The following CAP2 variants were observed in gnomAD, a reference collection of about 807,000 sequenced individuals.
CAP2 encodes cyclase associated actin cytoskeleton regulatory protein 2.
In CAP2, 24 loss-of-function variants were observed where a neutral mutation model predicts 57.7. That is an observed-to-expected ratio of 0.42 (90% confidence interval 0.30 to 0.58). The LOEUF (loss-of-function observed/expected upper bound fraction) is 0.58. Ranked by LOEUF, CAP2 falls within the 20% of genes least tolerant of loss-of-function variation. CAP2 has a pLI of 0.22. For synonymous variants in CAP2, 194 were observed against 207.2 expected, an observed-to-expected ratio of 0.94 and a Z score of 0.55; for missense variants, 501 against 590.3, an observed-to-expected ratio of 0.85 and a Z score of 1.57.
At chr6:17,457,138 G>A (rs756355883) in intron 3 of CAP2, among the ~76,000 whole-genome samples, 32 of 152,296 alleles carry the variant, frequency 2.1e-4, no homozygotes, top group Non-Finnish European at 4.1e-4. Context: ...AGTTCAAACA[G>A]AATGCACAGA....
chr6:17,530,564 C>T (rs555772090), intron 7 of CAP2, among the ~76,000 whole-genome samples: 16 of 152,006 alleles, frequency 1.1e-4, no homozygotes, highest in African/African-American at 3.6e-4. Flanking sequence ...AAGGACAGTT[C>T]GAGGAGGGGC....
intron 4 of CAP2, among the ~76,000 whole-genome samples, chr6:17,466,819 T>C (rs1760877734): frequency 6.6e-6 from 1 of 152,170 alleles, no homozygotes; most frequent in South Asian, 2.1e-4. Flanking sequence ...TAGGCCGTGT[T>C]ATGCTGCAGT....
chr6:17,478,520 C>T (rs935525738), intron 4 of CAP2, among the ~76,000 whole-genome samples: 3 of 151,960 alleles, frequency 2.0e-5, no homozygotes, highest in African/African-American at 7.3e-5. Context: ...GTTGTTGTGA[C>T]CTCCTACCTT....
At position 17,556,987 on chromosome 6, in the gene CAP2, A is replaced by G. The variant is rs1763328749; in HGVS notation, c.*545A>G. 1.0e-5 allele frequency: 1 copy of G among 97,520 alleles called. No homozygotes were observed. Among genetic ancestry groups the G allele is most frequent in the Non-Finnish European group, 2.1e-5 (1 of 48,058 alleles). 6.0% of individuals were successfully genotyped at this position (97,520 alleles called of 1,614,324 possible). On this transcript the variant is annotated 3_prime_UTR_variant, in exon 13 of 13. Coordinates refer to ENST00000229922, the MANE Select transcript of CAP2 (RefSeq NM_006366.3). Reference sequence around the variant, plus strand: ...TCAACCCACGCTTGTAAAAGACATAAGAGTTTATAAAGGACCAAATTCAGT... The same window carrying G: ...TCAACCCACGCTTGTAAAAGACATAGGAGTTTATAAAGGACCAAATTCAGT...
intron 1 of CAP2, among the ~76,000 whole-genome samples, chr6:17,406,946 G>C (rs1355265444): frequency 6.6e-6 from 1 of 151,986 alleles, no homozygotes; most frequent in Non-Finnish European, 1.5e-5. Context: ...AGAAAAAAAT[G>C]AGAAAAAAAC....
intron 4 of CAP2, among the ~76,000 whole-genome samples, chr6:17,467,965 A>C (rs945292594): frequency 2.6e-5 from 4 of 151,498 alleles, no homozygotes; most frequent in African/African-American, 9.7e-5. Flanking sequence ...CAGCTCCCCC[A>C]CTACCCTTCC....
At chr6:17,443,917 A>G (rs1245797521) in intron 3 of CAP2, among the ~76,000 whole-genome samples, 5 of 152,334 alleles carry the variant, frequency 3.3e-5, no homozygotes, top group East Asian at 3.9e-4. Context: ...CATGTATCAA[A>G]TATAAGATGT....
chr6:17,435,687 A>T (rs1459937265), intron 3 of CAP2, among the ~76,000 whole-genome samples: 1 of 143,624 alleles, frequency 7.0e-6, no homozygotes, highest in Admixed American at 6.8e-5. Context: ...ATAATAAAAA[A>T]AAAAAAAAAA....
intron 2 of CAP2, among the ~76,000 whole-genome samples, chr6:17,423,154 C>A (rs1247201175): frequency 6.6e-6 from 1 of 152,130 alleles, no homozygotes; most frequent in Middle Eastern, 3.2e-3. Context: ...AAGCTTTCAC[C>A]AGGAAAGACC....
At chr6:17,482,989 G>A (rs770218572) in intron 4 of CAP2, among the ~76,000 whole-genome samples, 42 of 152,206 alleles carry the variant, frequency 2.8e-4, no homozygotes, top group Non-Finnish European at 5.6e-4. Context: ...CCTGGCTTAC[G>A]CCATCACATA....
Position 17,544,954 on chromosome 6 carries a change from A to G in CAP2, c.1209+1811A>G, listed in dbSNP as rs149075983. ...AATTTTAAGGAGGTTGCTCATCTTCAGAAAAAGCCCGGTACTTCAAGGATG... is the reference window on the plus strand; with the variant it reads ...AATTTTAAGGAGGTTGCTCATCTTCGGAAAAAGCCCGGTACTTCAAGGATG... On this transcript the variant is annotated intron_variant, in intron 11 of 12. Transcript: ENST00000229922. Among the ~76,000 whole-genome samples, 343 of 152,344 alleles carry G rather than the reference A, an allele frequency of 2.3e-3. 1 individual carries two copies. The highest frequency in any genetic ancestry group is 4.3e-3 in the Non-Finnish European group (291 of 68,034).
intron 7 of CAP2, among the ~76,000 whole-genome samples, chr6:17,533,128 A>AAAATCT (rs1267212737): frequency 1.3e-5 from 2 of 151,838 alleles, no homozygotes; most frequent in African/African-American, 4.8e-5. Context: ...CTTTCATAAT[A>AAAATCT]AAATCTAAAG....
intron 3 of CAP2, among the ~76,000 whole-genome samples, chr6:17,431,351 T>C (rs1251364326): frequency 1.3e-5 from 2 of 152,224 alleles, no homozygotes; most frequent in Non-Finnish European, 2.9e-5. Context: ...TTATTAATTA[T>C]TTAAAATGAA....
At chr6:17,443,031 T>TA (rs1421342654) in intron 3 of CAP2, among the ~76,000 whole-genome samples, 4 of 152,042 alleles carry the variant, frequency 2.6e-5, no homozygotes, top group African/African-American at 7.2e-5. Context: ...CCATCACTAT[T>TA]AAAAAAATAA....
At chr6:17,463,094 G>T (rs1197367008) in intron 4 of CAP2, 21 bp downstream of exon 4, 2 of 1,563,616 alleles carry the variant, frequency 1.3e-6, no homozygotes, top group Non-Finnish European at 1.8e-6. Flanking sequence ...GTCCTGAGAG[G>T]GAAGGTGTCC....
In CAP2 at chr6:17,557,315, CT is replaced by C. The variant is rs1763337618; in HGVS notation, c.*874del. 2 of 152,094 alleles carry C rather than the reference CT, an allele frequency of 1.3e-5. No homozygotes were observed. Among genetic ancestry groups the C allele is most frequent in the Admixed American group, 6.6e-5 (1 of 15,266 alleles). The allele number at this position is 152,094 out of a possible 1,614,324, so 9.4% of individuals were successfully genotyped here. ...TATAGACTAATTTCCTCTTTTCCAC[CT>C]GCCAGACTTGCTAACCAAGCTCGAA... On this transcript the variant is annotated 3_prime_UTR_variant, in exon 13 of 13. Coordinates refer to ENST00000229922, the MANE Select transcript of CAP2 (RefSeq NM_006366.3).
intron 1 of CAP2, among the ~76,000 whole-genome samples, chr6:17,396,034 A>C (rs759822353): frequency 1.3e-5 from 2 of 152,244 alleles, no homozygotes; most frequent in Non-Finnish European, 2.9e-5. Flanking sequence ...ACAAATGGCC[A>C]ATAAACCCAT....
chr6:17,485,326 C>T (rs1284219957), intron 4 of CAP2, among the ~76,000 whole-genome samples: 1 of 152,174 alleles, frequency 6.6e-6, no homozygotes, highest in East Asian at 1.9e-4. Context: ...ATGGAGAGAT[C>T]AAAGCCTGCA....
chr6:17,516,939 GT>G (rs914249073), intron 7 of CAP2, among the ~76,000 whole-genome samples: 15 of 150,702 alleles, frequency 1.0e-4, no homozygotes, highest in East Asian at 9.7e-4. Context: ...TAAGCGGATT[GT>G]TTTTTTTTTC....
Sources: gnomAD v4.1 joint callset for allele counts (sites outside exome capture counted in the v4.1 genomes callset) on GRCh38, gnomAD v4.1.1 for gene constraint, MANE v1.5 for transcripts, NCBI Gene and HGNC (gene_info 2026-07-23, HGNC 2026-07-21) for gene names.